The following CAMK1D variants were observed in gnomAD, a reference collection of about 807,000 sequenced individuals.
The protein encoded by CAMK1D is calcium/calmodulin dependent protein kinase ID.
CAMK1D carries 9 observed loss-of-function variants against 47.7 expected under a neutral mutation model. The observed-to-expected ratio is 0.19, with a 90% confidence interval of 0.11 to 0.33. The LOEUF (loss-of-function observed/expected upper bound fraction) is 0.33. Ranked by LOEUF, CAMK1D falls within the 10% of genes least tolerant of loss-of-function variation. The pLI, the probability that CAMK1D is intolerant of heterozygous loss-of-function variation, is 1.00. For synonymous variants in CAMK1D, 184 were observed against 184.9 expected (o/e 0.99, Z 0.04); for missense variants, 291 against 488.7 (o/e 0.60, Z 3.81).
chr10:12,670,934 C>G (rs924896796), intron 3 of CAMK1D, among the ~76,000 whole-genome samples: 5 of 152,148 alleles, frequency 3.3e-5, no homozygotes, highest in Non-Finnish European at 5.9e-5. Context: ...TAAAAGAAAC[C>G]CTGTACTCAT....
chr10:12,604,218 T>C (rs1258803757), intron 2 of CAMK1D, among the ~76,000 whole-genome samples: 1 of 152,176 alleles, frequency 6.6e-6, no homozygotes, highest in East Asian at 1.9e-4. Context: ...AGCCTGTGCC[T>C]GGTACAGAAT....
At chr10:12,562,062 A>C (rs1320413603) in intron 2 of CAMK1D, among the ~76,000 whole-genome samples, 1 of 152,196 alleles carries the variant, frequency 6.6e-6, no homozygotes, top group Non-Finnish European at 1.5e-5. Context: ...CTATAGCATA[A>C]TACTTTGATC....
At chr10:12,581,054 C>T (rs996890488) in intron 2 of CAMK1D, among the ~76,000 whole-genome samples, 1 of 152,056 alleles carries the variant, frequency 6.6e-6, no homozygotes, top group African/African-American at 2.4e-5. Flanking sequence ...ACCCTTTCCC[C>T]CAAGTCTCCA....
At chr10:12,418,032 C>T (rs1362100608) in intron 1 of CAMK1D, among the ~76,000 whole-genome samples, 1 of 152,172 alleles carries the variant, frequency 6.6e-6, no homozygotes, top group Admixed American at 6.5e-5. Context: ...GAACTCCTGA[C>T]CTCAAGGCCT....
chr10:12,371,113 T>C (rs1837990502), intron 1 of CAMK1D, among the ~76,000 whole-genome samples: 1 of 152,148 alleles, frequency 6.6e-6, no homozygotes, highest in African/African-American at 2.4e-5. Context: ...ATAACTTTAG[T>C]ATAGCCTAAG....
intron 3 of CAMK1D, among the ~76,000 whole-genome samples, chr10:12,716,986 C>T (rs1834166710): frequency 6.6e-6 from 1 of 152,180 alleles, no homozygotes; most frequent in Non-Finnish European, 1.5e-5. Context: ...AGAGGATACA[C>T]TGTGATATTT....
intron 3 of CAMK1D, among the ~76,000 whole-genome samples, chr10:12,696,644 A>G (rs919024362): frequency 3.3e-5 from 5 of 152,236 alleles, no homozygotes; most frequent in African/African-American, 1.2e-4. Flanking sequence ...CAGTAATTGT[A>G]TTAATAGATG....
intron 2 of CAMK1D, among the ~76,000 whole-genome samples, chr10:12,579,011 T>C (rs962680732): frequency 6.6e-6 from 1 of 151,708 alleles, no homozygotes; most frequent in Non-Finnish European, 1.5e-5. Context: ...CTTTAAGAAG[T>C]GCCATATGCT....
intron 1 of CAMK1D, among the ~76,000 whole-genome samples, chr10:12,380,603 A>T (rs1838310552): frequency 6.6e-6 from 1 of 152,192 alleles, no homozygotes; most frequent in African/African-American, 2.4e-5. Flanking sequence ...CATGCCTGTA[A>T]TCCCAGCACT....
intron 1 of CAMK1D, among the ~76,000 whole-genome samples, chr10:12,448,087 T>C (rs1293424629): frequency 6.6e-6 from 1 of 152,002 alleles, no homozygotes; most frequent in Non-Finnish European, 1.5e-5. Flanking sequence ...CTCCTGACCT[T>C]AAGTGATCCT....
chr10:12,826,039 AG>A, intron 10 of CAMK1D: 1 of 242,990 alleles, frequency 4.1e-6, no homozygotes, highest in Non-Finnish European at 8.0e-6. Context: ...TGGGAGGCTG[AG>A]GCAGGAGAAT....
At position 12,694,255 on chromosome 10, in the gene CAMK1D, T is replaced by C. The variant is rs1460221433; in HGVS notation, c.299+27445T>C. 1.8e-3 allele frequency among the ~76,000 whole-genome samples: 74 copies of C among 40,692 alleles called. 2 individuals carry two copies. The highest frequency in any genetic ancestry group is 2.6e-3 in the East Asian group (4 of 1,530). 26.7% of individuals were successfully genotyped at this position (40,692 alleles called of 152,430 possible). A position where few individuals can be genotyped will look rare whatever the true frequency, so the allele number is the denominator to read the frequency against. On this transcript the variant is annotated intron_variant, in intron 3 of 10. Transcript: ENST00000619168. ...TGTATAATATATAATATATATTATG[T>C]ATAATATATAATATATATTATACAT...
At chr10:12,535,841 CA>C (rs1384823948) in intron 1 of CAMK1D, among the ~76,000 whole-genome samples, 1 of 152,082 alleles carries the variant, frequency 6.6e-6, no homozygotes, top group Non-Finnish European at 1.5e-5. Context: ...GTAGAATTTC[CA>C]TCTTCTCATT....
chr10:12,679,346 A>G (rs1459933636), intron 3 of CAMK1D, among the ~76,000 whole-genome samples: 1 of 152,218 alleles, frequency 6.6e-6, no homozygotes, highest in African/African-American at 2.4e-5. Context: ...TTATTTACTT[A>G]TACATTTATT....
chr10:12,549,700 C>T (rs1247739633), intron 1 of CAMK1D, among the ~76,000 whole-genome samples: 1 of 152,218 alleles, frequency 6.6e-6, no homozygotes. Flanking sequence ...ACGTGACTCT[C>T]TTGACATAAC....
At chr10:12,579,056 AG>A in intron 2 of CAMK1D, among the ~76,000 whole-genome samples, 1 of 151,966 alleles carries the variant, frequency 6.6e-6, no homozygotes, top group Non-Finnish European at 1.5e-5. Context: ...GCTCCAGGGA[AG>A]GGGCTTTCAC....
chr10:12,797,803 A>T (rs1053580698), intron 6 of CAMK1D, among the ~76,000 whole-genome samples: 1 of 152,112 alleles, frequency 6.6e-6, no homozygotes, highest in African/African-American at 2.4e-5. Flanking sequence ...TGCAGGCAGA[A>T]TTTGGGCCAT....
chr10:12,363,659 C>A (rs1192253950), intron 1 of CAMK1D, among the ~76,000 whole-genome samples: 4 of 146,554 alleles, frequency 2.7e-5, no homozygotes, highest in Non-Finnish European at 6.0e-5. Flanking sequence ...GTTTTTGTTT[C>A]CTAAGGTTTT....
At chr10:12,724,782 C>G (rs954026327) in intron 3 of CAMK1D, among the ~76,000 whole-genome samples, 1 of 152,036 alleles carries the variant, frequency 6.6e-6, no homozygotes, top group African/African-American at 2.4e-5. Flanking sequence ...TTGGGTCTAG[C>G]CAGGTGACAG....
Sources: allele counts gnomAD v4.1 joint callset (sites outside exome capture counted in the v4.1 genomes callset), GRCh38; gene constraint gnomAD v4.1.1; transcripts MANE v1.5; gene names NCBI Gene and HGNC (gene_info 2026-07-23, HGNC 2026-07-21).